LRMDA: variants seen among roughly 807,000 people sequenced by gnomAD.
LRMDA encodes leucine-rich melanocyte differentiation-associated protein.
Under a neutral mutation model 29.8 loss-of-function variants are expected in LRMDA, and 18 were observed. The ratio of observed to expected loss-of-function variants is 0.60; its 90% CI spans 0.42 to 0.90. The LOEUF is 0.90. Among genes scored for constraint, LRMDA ranks in the 40% least tolerant of loss-of-function variants. The pLI, the probability that LRMDA is intolerant of heterozygous loss-of-function variation, is 0.00. For synonymous variants in LRMDA, 125 were observed against 109.4 expected (o/e 1.14, Z -0.89); for missense variants, 273 against 273.9 (o/e 1.00, Z 0.02).
chr10:76,486,448 G>A lies in LRMDA; in HGVS notation c.602-70761G>A, dbSNP rs117330717. 1.8e-4 allele frequency among the ~76,000 whole-genome samples: 28 copies of A among 151,968 alleles called. No homozygotes were observed. The East Asian group carries it at 3.5e-3, about 19-fold the overall frequency. On this transcript the variant is annotated intron_variant, in intron 6 of 6. Coordinates refer to ENST00000611255, the MANE Select transcript of LRMDA (RefSeq NM_001305581.2). ...TTTGTTTTTTGGCTCTGTGCTGCAC[G>A]TACATAGGTCAAGTTTGATTCTGCA...
chr10:75,781,456 G>T (rs947999940), intron 2 of LRMDA, among the ~76,000 whole-genome samples: 1 of 152,176 alleles, frequency 6.6e-6, no homozygotes, highest in Non-Finnish European at 1.5e-5. Flanking sequence ...ATAGATGGGA[G>T]AAATAAATGA....
At chr10:76,488,634 C>A (rs1842805253) in intron 6 of LRMDA, among the ~76,000 whole-genome samples, 1 of 151,828 alleles carries the variant, frequency 6.6e-6, no homozygotes, top group Admixed American at 6.6e-5. Context: ...TTAGTGTATG[C>A]ATGCTTTCAC....
intron 2 of LRMDA, among the ~76,000 whole-genome samples, chr10:75,736,900 C>CAGCTATTT (rs971309056): frequency 1.3e-5 from 2 of 152,132 alleles, no homozygotes; most frequent in Non-Finnish European, 1.5e-5. Flanking sequence ...CGCCAACTGC[C>CAGCTATTT]AGCTATTTAG....
Position 76,042,361 on chromosome 10 carries a change from G to C in LRMDA, c.259-4803G>C, listed in dbSNP as rs74147630. Among the ~76,000 whole-genome samples, 179 of 152,304 alleles carry C rather than the reference G, an allele frequency of 1.2e-3. 1 individual carries two copies. Among genetic ancestry groups the C allele is most frequent in the African/African-American group, 4.2e-3 (174 of 41,570 alleles). ...CAGGCAGGCTCTTAGAAATCTCTTT[G>C]ATTCATTGGCAAAGGATGGCTGAAG... On this transcript the variant is annotated intron_variant, in intron 3 of 6. Coordinates refer to ENST00000611255, the MANE Select transcript of LRMDA (RefSeq NM_001305581.2).
intron 2 of LRMDA, among the ~76,000 whole-genome samples, chr10:75,487,489 G>A (rs1844929093): frequency 1.3e-5 from 2 of 152,196 alleles, no homozygotes; most frequent in African/African-American, 2.4e-5. Context: ...ACACACCCAA[G>A]CCAAATGCTA....
chr10:75,520,597 T>C (rs1845345400), intron 2 of LRMDA, among the ~76,000 whole-genome samples: 1 of 152,176 alleles, frequency 6.6e-6, no homozygotes, highest in African/African-American at 2.4e-5. Flanking sequence ...TTTTTCAAGG[T>C]CTTTAGCTTC....
At chr10:75,591,813 T>C (rs1840727523) in intron 2 of LRMDA, among the ~76,000 whole-genome samples, 1 of 152,188 alleles carries the variant, frequency 6.6e-6, no homozygotes, top group Admixed American at 6.5e-5. Context: ...GCTGGGGATA[T>C]TGCTCTGAGT....
chr10:75,749,788 G>T (rs959253919), intron 2 of LRMDA, among the ~76,000 whole-genome samples: 1 of 152,150 alleles, frequency 6.6e-6, no homozygotes, highest in African/African-American at 2.4e-5. Context: ...CTTCCGCAGT[G>T]TTTGTGTCCC....
chr10:75,860,951 G>T (rs367977522), intron 2 of LRMDA, among the ~76,000 whole-genome samples: 3 of 152,248 alleles, frequency 2.0e-5, no homozygotes, highest in African/African-American at 7.2e-5. Context: ...AGATATTATT[G>T]ACCTCTCAGG....
At chr10:76,075,230 G>A (rs986445347) in intron 5 of LRMDA, among the ~76,000 whole-genome samples, 1 of 152,198 alleles carries the variant, frequency 6.6e-6, no homozygotes, top group Non-Finnish European at 1.5e-5. Context: ...CCTTTAAAGA[G>A]GTAATTTAGT....
chr10:75,698,546 G>A (rs1298149033), intron 2 of LRMDA, among the ~76,000 whole-genome samples: 1 of 152,188 alleles, frequency 6.6e-6, no homozygotes, highest in Non-Finnish European at 1.5e-5. Context: ...TAAACAGGTG[G>A]CACATGGGCA....
chr10:75,687,126 C>G (rs984830171), intron 2 of LRMDA, among the ~76,000 whole-genome samples: 2 of 152,074 alleles, frequency 1.3e-5, no homozygotes, highest in Non-Finnish European at 1.5e-5. Flanking sequence ...AATTAATGAC[C>G]CTGCAATTGG....
intron 2 of LRMDA, among the ~76,000 whole-genome samples, 188 bp from the exon 3 acceptor site, chr10:76,035,820 C>A (rs1194753780): frequency 6.6e-6 from 1 of 152,166 alleles, no homozygotes; most frequent in East Asian, 1.9e-4. Flanking sequence ...TGGGTGCCAG[C>A]GGCCCCTTCT....
chr10:75,471,742 T>A lies in LRMDA; in HGVS notation c.131+33248T>A, dbSNP rs116688267. 4.5e-3 allele frequency among the ~76,000 whole-genome samples: 688 copies of A among 152,320 alleles called. 5 individuals are homozygous for A. The highest frequency in any genetic ancestry group is 0.013 in the African/African-American group (558 of 41,570). ...TTAATGTAAACCAGTCCCTGAAAAG[T>A]TGAATGTTTATTTCTAATTTCTTTG... On this transcript the variant is annotated intron_variant, in intron 2 of 6. Coordinates refer to ENST00000611255, the MANE Select transcript of LRMDA (RefSeq NM_001305581.2).
intron 6 of LRMDA, among the ~76,000 whole-genome samples, chr10:76,367,300 A>C (rs183528078): frequency 6.6e-6 from 1 of 152,122 alleles, no homozygotes; most frequent in Non-Finnish European, 1.5e-5. Flanking sequence ...TTCTTTCTCT[A>C]TCTTGTGGAA....
chr10:75,515,072 A>T (rs1293175266), intron 2 of LRMDA, among the ~76,000 whole-genome samples: 4 of 152,246 alleles, frequency 2.6e-5, no homozygotes, highest in Non-Finnish European at 4.4e-5. Flanking sequence ...GTGTTGATAC[A>T]TGCTACAGTG....
intron 5 of LRMDA, among the ~76,000 whole-genome samples, chr10:76,166,895 T>C (rs1200294282): frequency 6.6e-6 from 1 of 152,200 alleles, no homozygotes; most frequent in Non-Finnish European, 1.5e-5. Context: ...GTTGAACTAA[T>C]CTAGACTCCC....
intron 2 of LRMDA, among the ~76,000 whole-genome samples, chr10:75,542,552 CAAAT>C (rs576492161): frequency 7.3e-4 from 111 of 152,198 alleles, no homozygotes; most frequent in African/African-American, 2.4e-3. Context: ...AATAAAAAAA[CAAAT>C]AGAGAAAAAG....
chr10:76,375,963 C>G (rs948312841), intron 6 of LRMDA, among the ~76,000 whole-genome samples: 3 of 151,906 alleles, frequency 2.0e-5, no homozygotes, highest in Non-Finnish European at 4.4e-5. Context: ...CTGTATCATG[C>G]TGTATCACAG....
Sources: gnomAD v4.1 joint callset for allele counts (sites outside exome capture counted in the v4.1 genomes callset) on GRCh38, gnomAD v4.1.1 for gene constraint, MANE v1.5 for transcripts, NCBI Gene and HGNC (gene_info 2026-07-23, HGNC 2026-07-21) for gene names.